Variants in EPC2 observed in about 807,000 individuals in gnomAD.
The protein encoded by EPC2 is enhancer of polycomb homolog 2.
EPC2 carries 14 observed loss-of-function variants against 92.1 expected under a neutral mutation model. The observed-to-expected ratio is 0.15, with a 90% confidence interval of 0.10 to 0.24. The LOEUF is 0.24. Ranked by LOEUF, EPC2 falls within the 10% of genes least tolerant of loss-of-function variation. The probability of loss-of-function intolerance (pLI) is 1.00; values close to 1 mark genes in which losing one functional copy is unlikely to be tolerated. For synonymous variants in EPC2, 340 were observed against 334.7 expected, an observed-to-expected ratio of 1.02 and a Z score of -0.17; for missense variants, 755 against 971.5, an observed-to-expected ratio of 0.78 and a Z score of 2.96.
At chr2:148,763,370 A>G (rs1683339380) in intron 6 of EPC2, among the ~76,000 whole-genome samples, 2 of 152,180 alleles carry the variant, frequency 1.3e-5, no homozygotes, top group African/African-American at 4.8e-5. Flanking sequence ...GGACTAGATA[A>G]CTATATTTAT....
chr2:148,728,974 G>T (rs909456117), intron 2 of EPC2, among the ~76,000 whole-genome samples: 2 of 138,636 alleles, frequency 1.4e-5, no homozygotes, highest in East Asian at 4.2e-4. Flanking sequence ...GGAGTTTGCA[G>T]TGAGGCAAGA....
intron 2 of EPC2, among the ~76,000 whole-genome samples, chr2:148,739,806 CTTTCTTCCTTTTCTT>C (rs1682840819): frequency 9.6e-6 from 1 of 104,024 alleles, no homozygotes; most frequent in Non-Finnish European, 2.1e-5. Flanking sequence ...TTTTTCTTTT[CTTTCTTCCTTTTCTT>C]TTCTTCTTCT....
Position 148,787,295 on chromosome 2 carries a change from C to CG in EPC2, c.*924dup. ...ATATCGAGCCATCCCAGGTGTTGGG[C>CG]GGGGGGAGGGTTGTGGCAAGATTGT... is the stretch of plus-strand genomic sequence containing the variant. On this transcript the variant is annotated 3_prime_UTR_variant, in exon 14 of 14. Coordinates refer to ENST00000258484, the MANE Select transcript of EPC2 (RefSeq NM_015630.4). 1 of 95,750 alleles carries CG rather than the reference C, an allele frequency of 1.0e-5. No homozygotes were observed. Among genetic ancestry groups the CG allele is most frequent in the East Asian group, 2.8e-4 (1 of 3,582 alleles). The allele number at this position is 95,750 out of a possible 1,614,324, so 5.9% of individuals were successfully genotyped here. A position where few individuals can be genotyped will look rare whatever the true frequency, so the allele number is the denominator to read the frequency against.
chr2:148,645,999 T>G (rs1683791336), intron 1 of EPC2, among the ~76,000 whole-genome samples: 1 of 152,262 alleles, frequency 6.6e-6, no homozygotes, highest in South Asian at 2.1e-4. Flanking sequence ...ATACAGCACC[T>G]TTTGGGAAAA....
At chr2:148,755,692 T>G (rs1683176848) in intron 4 of EPC2, among the ~76,000 whole-genome samples, 1 of 152,242 alleles carries the variant, frequency 6.6e-6, no homozygotes, top group South Asian at 2.1e-4. Flanking sequence ...TAGGTTTATG[T>G]AAGTACACTG....
At chr2:148,668,148 C>T (rs755310695) in intron 1 of EPC2, among the ~76,000 whole-genome samples, 3 of 152,126 alleles carry the variant, frequency 2.0e-5, no homozygotes, top group South Asian at 2.1e-4. Flanking sequence ...CCACCTGCCT[C>T]GGCCTCCCAA....
intron 6 of EPC2, among the ~76,000 whole-genome samples, chr2:148,763,536 A>G (rs148670233): frequency 6.6e-6 from 1 of 152,332 alleles, no homozygotes; most frequent in African/African-American, 2.4e-5. Flanking sequence ...AATTTTTTAA[A>G]TGACCTAGGG....
rs1244335375 is a variant in EPC2, at chr2:148,765,187, ATTT to A, written c.1140+43_1140+45del. On this transcript the variant is annotated intron_variant, in intron 7 of 13. Coordinates refer to ENST00000258484, the MANE Select transcript of EPC2 (RefSeq NM_015630.4). ...TATTTTAAAGATATTTCTTCTTAGT[ATTT>A]TATATTGCTATATTTTTAAAACAAT... 3 of 1,360,952 alleles carry A rather than the reference ATTT, an allele frequency of 2.2e-6. No homozygotes were observed. In the African/African-American group the frequency reaches 4.5e-5, roughly 20 times the overall value. 84.3% of individuals were successfully genotyped at this position (1,360,952 alleles called of 1,614,324 possible).
At chr2:148,743,516 T>G in intron 2 of EPC2, 106 bp from the exon 3 acceptor site, 1 of 806,680 alleles carries the variant, frequency 1.2e-6, no homozygotes, top group East Asian at 3.1e-5. Flanking sequence ...GAGCTCCCCT[T>G]TAGTCAGTGC....
At chr2:148,666,455 T>G (rs1681057436) in intron 1 of EPC2, among the ~76,000 whole-genome samples, 2 of 152,144 alleles carry the variant, frequency 1.3e-5, no homozygotes, top group Non-Finnish European at 2.9e-5. Context: ...GAGGACCAAT[T>G]TAAAAAAAAT....
At chr2:148,677,762 A>C (rs941130498) in intron 1 of EPC2, among the ~76,000 whole-genome samples, 11 of 151,392 alleles carry the variant, frequency 7.3e-5, no homozygotes, top group Admixed American at 4.6e-4. Flanking sequence ...CTCAGGAGTG[A>C]AGCTGCAGAC....
chr2:148,653,020 G>T (rs1044980957), intron 1 of EPC2, among the ~76,000 whole-genome samples: 4 of 152,126 alleles, frequency 2.6e-5, no homozygotes, highest in Non-Finnish European at 4.4e-5. Context: ...GTGTGTGTGT[G>T]AATTTTATAT....
intron 2 of EPC2, among the ~76,000 whole-genome samples, chr2:148,709,668 A>C (rs1682090080): frequency 6.6e-6 from 1 of 152,178 alleles, no homozygotes; most frequent in Non-Finnish European, 1.5e-5. Flanking sequence ...ACAGAACAGA[A>C]CAGAGCCCTC....
chr2:148,702,956 T>C (rs1226238285), intron 2 of EPC2, among the ~76,000 whole-genome samples: 3 of 152,168 alleles, frequency 2.0e-5, no homozygotes, highest in Admixed American at 2.0e-4. Flanking sequence ...CTGCCCTAAG[T>C]CCTTTGACTG....
At chr2:148,699,105 A>G (rs1470357651) in intron 2 of EPC2, among the ~76,000 whole-genome samples, 1 of 152,160 alleles carries the variant, frequency 6.6e-6, no homozygotes, top group African/African-American at 2.4e-5. Flanking sequence ...AGTAATTTGA[A>G]TTAGTGAAAT....
At chr2:148,679,380 T>TA (rs751113308) in intron 1 of EPC2, among the ~76,000 whole-genome samples, 114 of 152,320 alleles carry the variant, frequency 7.5e-4, no homozygotes, top group Non-Finnish European at 1.4e-3. Flanking sequence ...TATAAAATAA[T>TA]ATAAATATCT....
chr2:148,683,731 A>G (rs1394756720), intron 1 of EPC2, among the ~76,000 whole-genome samples: 1 of 152,174 alleles, frequency 6.6e-6, no homozygotes, highest in Non-Finnish European at 1.5e-5. Context: ...TTTATGCCTG[A>G]GTAGTATTCC....
At chr2:148,763,028 A>G (rs905730078) in intron 6 of EPC2, among the ~76,000 whole-genome samples, 2 of 152,144 alleles carry the variant, frequency 1.3e-5, no homozygotes, top group Non-Finnish European at 2.9e-5. Context: ...TGACTTCTAT[A>G]TAATAGCTAG....
At chr2:148,723,257 C>G (rs1029668287) in intron 2 of EPC2, among the ~76,000 whole-genome samples, 5 of 152,160 alleles carry the variant, frequency 3.3e-5, no homozygotes, top group African/African-American at 1.2e-4. Context: ...AATGCTCTGG[C>G]ACATTTCAAA....
Sources: gnomAD v4.1 joint callset for allele counts (sites outside exome capture counted in the v4.1 genomes callset) on GRCh38, gnomAD v4.1.1 for gene constraint, MANE v1.5 for transcripts, NCBI Gene and HGNC (gene_info 2026-07-23, HGNC 2026-07-21) for gene names.